FSHR: variants seen among roughly 807,000 people sequenced by gnomAD.
FSHR encodes follicle stimulating hormone receptor, also known as follicle-stimulating hormone receptor.
Under a neutral mutation model 52.1 loss-of-function variants are expected in FSHR, and 46 were observed. The observed-to-expected ratio is 0.88, with a 90% CI of 0.70 to 1.13. The LOEUF is 1.13. Ranked by LOEUF, FSHR falls within the 50% of genes most tolerant of loss-of-function variation. FSHR has a pLI of 0.00. For missense variants in FSHR, 964 were observed against 834.6 expected, an observed-to-expected ratio of 1.16 and a Z score of -1.91; for synonymous variants, 399 against 309.6, an observed-to-expected ratio of 1.29 and a Z score of -3.03.
intron 4 of FSHR, among the ~76,000 whole-genome samples, chr2:49,001,015 T>G (rs1228325042): frequency 6.6e-6 from 1 of 152,168 alleles, no homozygotes; most frequent in African/African-American, 2.4e-5. Flanking sequence ...GTATTTCATA[T>G]GATCTCATTT....
intron 8 of FSHR, among the ~76,000 whole-genome samples, chr2:48,978,278 G>T (rs1675081841): frequency 6.6e-6 from 1 of 152,200 alleles, no homozygotes; most frequent in African/African-American, 2.4e-5. Context: ...TCCCAGCAAA[G>T]ATGTTATTAC....
intron 1 of FSHR, among the ~76,000 whole-genome samples, chr2:49,111,432 C>A (rs1333199930): frequency 2.0e-5 from 3 of 152,184 alleles, no homozygotes; most frequent in Non-Finnish European, 4.4e-5. Context: ...CATCTACTTG[C>A]AGCTCAGCTG....
intron 2 of FSHR, among the ~76,000 whole-genome samples, chr2:49,028,383 A>T (rs534925071): frequency 1.3e-5 from 2 of 152,328 alleles, no homozygotes; most frequent in East Asian, 3.9e-4. Context: ...GGCAGCATCA[A>T]CCTGGAAGCC....
Position 48,983,203 on chromosome 2 carries a change from A to G in FSHR, c.525-37T>C, listed in dbSNP as rs72875918. Reference sequence around the variant, plus strand: ...GGCCTATTAAAAAACCAATAATGTCAGATGCAAACAATACACGGGTTTCAT... The same window carrying G: ...GGCCTATTAAAAAACCAATAATGTCGGATGCAAACAATACACGGGTTTCAT... On this transcript the variant is annotated intron_variant, in intron 6 of 9. Coordinates refer to ENST00000406846, the MANE Select transcript of FSHR (RefSeq NM_000145.4). 4,869 of 1,572,424 alleles carry G rather than the reference A, an allele frequency of 3.1e-3. 135 individuals carry two copies. In the African/African-American group the frequency reaches 0.057, roughly 18 times the overall value.
intron 1 of FSHR, among the ~76,000 whole-genome samples, chr2:49,093,317 A>G (rs375695645): frequency 1.3e-5 from 2 of 152,188 alleles, no homozygotes; most frequent in African/African-American, 4.8e-5. Flanking sequence ...AGAGGTGTAC[A>G]TGTGTCTATT....
Position 49,111,987 on chromosome 2 carries a change from A to C in FSHR, c.152+42279T>G, listed in dbSNP as rs1228544065. ...TTTATAGAAGAGGGAACTGAGGAAA[A>C]ATAAAATAATTTACTCAAGGTAACA... On this transcript the variant is annotated intron_variant, in intron 1 of 9. Transcript: ENST00000406846. Among the ~76,000 whole-genome samples, 13 of 152,222 alleles carry C rather than the reference A, an allele frequency of 8.5e-5. 1 individual carries two copies. The highest frequency in any genetic ancestry group is 1.8e-4 in the Non-Finnish European group (12 of 68,034).
intron 2 of FSHR, among the ~76,000 whole-genome samples, chr2:49,026,598 A>G (rs989333338): frequency 6.6e-6 from 1 of 152,204 alleles, no homozygotes; most frequent in African/African-American, 2.4e-5. Flanking sequence ...AGCATATAAG[A>G]TGGTAAATAT....
intron 1 of FSHR, among the ~76,000 whole-genome samples, chr2:49,111,662 G>A (rs1015307982): frequency 6.6e-6 from 1 of 152,112 alleles, no homozygotes; most frequent in Admixed American, 6.6e-5. Context: ...ATATATGACG[G>A]GGCCTCTCTT....
chr2:49,139,134 A>C (rs1435115846), intron 1 of FSHR, among the ~76,000 whole-genome samples: 3 of 152,240 alleles, frequency 2.0e-5, no homozygotes, highest in African/African-American at 7.2e-5. Flanking sequence ...TCTCAAGCTC[A>C]TCTGGCAATG....
intron 1 of FSHR, among the ~76,000 whole-genome samples, chr2:49,117,635 A>G (rs567188966): frequency 4.9e-4 from 75 of 152,322 alleles, no homozygotes; most frequent in African/African-American, 1.7e-3. Context: ...AAAAGGGTCA[A>G]TGATATCAAA....
intron 1 of FSHR, among the ~76,000 whole-genome samples, chr2:49,127,787 C>CTTCTTCTTG (rs1672074056): frequency 1.9e-5 from 1 of 52,628 alleles, no homozygotes; most frequent in Non-Finnish European, 3.5e-5. Flanking sequence ...TCTTCTTCTT[C>CTTCTTCTTG]TTCTTCTTCT....
intron 1 of FSHR, among the ~76,000 whole-genome samples, chr2:49,086,056 A>G (rs867122428): frequency 1.4e-4 from 21 of 152,268 alleles, no homozygotes; most frequent in African/African-American, 4.8e-4. Flanking sequence ...TGGCACATGT[A>G]TACATATGTA....
intron 1 of FSHR, among the ~76,000 whole-genome samples, chr2:49,145,001 C>G (rs895372157): frequency 6.6e-6 from 1 of 152,086 alleles, no homozygotes; most frequent in African/African-American, 2.4e-5. Context: ...AGGGCTATGG[C>G]CTTTGTTAAG....
chr2:49,084,011 G>C (rs1365332312), intron 1 of FSHR, among the ~76,000 whole-genome samples: 3 of 151,300 alleles, frequency 2.0e-5, no homozygotes, highest in African/African-American at 7.3e-5. Flanking sequence ...GACATCTACA[G>C]AACTCTCCAC....
At chr2:49,115,209 G>A (rs1671557153) in intron 1 of FSHR, among the ~76,000 whole-genome samples, 1 of 151,438 alleles carries the variant, frequency 6.6e-6, no homozygotes. Context: ...CCGGAGCAGA[G>A]AGAGATTGTC....
chr2:49,124,975 G>A (rs1671948711), intron 1 of FSHR, among the ~76,000 whole-genome samples: 2 of 152,134 alleles, frequency 1.3e-5, no homozygotes, highest in East Asian at 3.9e-4. Context: ...CCTGTCACCT[G>A]TCACTAACTT....
chr2:49,124,266 A>G (rs1671922548), intron 1 of FSHR, among the ~76,000 whole-genome samples: 2 of 151,624 alleles, frequency 1.3e-5, no homozygotes, highest in Non-Finnish European at 2.9e-5. Context: ...AAGTGCTGGG[A>G]TTACAGCCAT....
chr2:49,016,801 T>TGAG (rs60542504), intron 4 of FSHR, among the ~76,000 whole-genome samples: 84,966 of 151,714 alleles, frequency 0.56, 24,069 homozygotes, highest in East Asian at 0.78. Context: ...ATTCTCTTGA[T>TGAG]GAAACAATAT....
chr2:49,139,400 G>C (rs899733604), intron 1 of FSHR, among the ~76,000 whole-genome samples: 2 of 152,094 alleles, frequency 1.3e-5, no homozygotes, highest in African/African-American at 4.8e-5. Flanking sequence ...CTGCCTCTGA[G>C]AGCCTTTATT....
Sources: gnomAD v4.1 joint callset for allele counts (sites outside exome capture counted in the v4.1 genomes callset) on GRCh38, gnomAD v4.1.1 for gene constraint, MANE v1.5 for transcripts, NCBI Gene and HGNC (gene_info 2026-07-23, HGNC 2026-07-21) for gene names.